PALLD: variants seen among roughly 807,000 people sequenced by gnomAD.
PALLD encodes palladin, cytoskeletal associated protein, also known as palladin.
A neutral mutation model predicts 123.5 loss-of-function variants in PALLD; 61 were observed. That is an observed-to-expected ratio of 0.49 (90% confidence interval 0.40 to 0.61). The LOEUF is 0.61. Ranked by LOEUF, PALLD falls within the 20% of genes least tolerant of loss-of-function variation. PALLD has a pLI of 0.00. For synonymous variants in PALLD, 465 were observed against 496.4 expected, an observed-to-expected ratio of 0.94 and a Z score of 0.84; for missense variants, 1,273 against 1,377.0, an observed-to-expected ratio of 0.92 and a Z score of 1.20.
intron 10 of PALLD, among the ~76,000 whole-genome samples, chr4:168,777,778 T>C (rs1735373695): frequency 6.6e-6 from 1 of 152,200 alleles, no homozygotes; most frequent in Non-Finnish European, 1.5e-5. Flanking sequence ...ATTCAGGCCT[T>C]AGGTTGGTAC....
intron 2 of PALLD, among the ~76,000 whole-genome samples, chr4:168,645,435 A>G (rs1008574696): frequency 2.6e-5 from 4 of 152,286 alleles, no homozygotes; most frequent in South Asian, 4.1e-4. Flanking sequence ...TGCCATCCAC[A>G]GTGTCACTTA....
intron 10 of PALLD, among the ~76,000 whole-genome samples, chr4:168,724,668 C>A (rs769599402): frequency 6.6e-6 from 1 of 150,966 alleles, no homozygotes. Context: ...GGATAAATCA[C>A]GTCAATTTGA....
At chr4:168,539,266 AC>A (rs1765375489) in intron 2 of PALLD, among the ~76,000 whole-genome samples, 1 of 152,028 alleles carries the variant, frequency 6.6e-6, no homozygotes, top group Non-Finnish European at 1.5e-5. Context: ...AAGTTTTCAG[AC>A]CCCACGTCAA....
At chr4:168,903,125 C>T (rs28407784) in intron 14 of PALLD, among the ~76,000 whole-genome samples, 1,718 of 152,244 alleles carry the variant, frequency 0.011, 48 homozygotes, top group African/African-American at 0.039. Flanking sequence ...TTCAATACTA[C>T]TGTGTTTTCT....
At chr4:168,534,719 T>G (rs1246690438) in intron 2 of PALLD, among the ~76,000 whole-genome samples, 1 of 152,210 alleles carries the variant, frequency 6.6e-6, no homozygotes, top group Non-Finnish European at 1.5e-5. Context: ...TACTGACATC[T>G]TTTCAACCAC....
intron 10 of PALLD, among the ~76,000 whole-genome samples, chr4:168,755,073 A>G (rs1731608161): frequency 6.6e-6 from 1 of 152,126 alleles, no homozygotes; most frequent in South Asian, 2.1e-4. Context: ...TCTACTAAAA[A>G]TACAAAAAAA....
intron 3 of PALLD, among the ~76,000 whole-genome samples, chr4:168,670,698 A>T (rs1420738651): frequency 6.9e-6 from 1 of 145,744 alleles, no homozygotes; most frequent in Non-Finnish European, 1.5e-5. Flanking sequence ...GCGCCACTGC[A>T]GTCCGCAGTC....
intron 2 of PALLD, among the ~76,000 whole-genome samples, chr4:168,635,713 T>G (rs1776279622): frequency 6.6e-6 from 1 of 152,184 alleles, no homozygotes; most frequent in African/African-American, 2.4e-5. Context: ...ATGACTGTGA[T>G]GTAATGGAAG....
chr4:168,761,222 A>G (rs1391130273), intron 10 of PALLD, among the ~76,000 whole-genome samples: 4 of 152,110 alleles, frequency 2.6e-5, no homozygotes, highest in African/African-American at 7.2e-5. Flanking sequence ...TCCATGGAGT[A>G]TATTTTTCCC....
intron 10 of PALLD, among the ~76,000 whole-genome samples, chr4:168,742,345 G>T (rs2150352203): frequency 6.6e-6 from 1 of 152,256 alleles, no homozygotes; most frequent in Admixed American, 6.5e-5. Context: ...GGTGTTCTTA[G>T]CTCTCTGACC....
intron 10 of PALLD, among the ~76,000 whole-genome samples, chr4:168,713,603 CT>C (rs1785045693): frequency 6.6e-6 from 1 of 152,168 alleles, no homozygotes; most frequent in African/African-American, 2.4e-5. Context: ...TTTAGCTCTG[CT>C]TTGCAGCCAG....
At chr4:168,801,419 T>C (rs1408134622) in intron 10 of PALLD, among the ~76,000 whole-genome samples, 3 of 152,056 alleles carry the variant, frequency 2.0e-5, no homozygotes, top group Non-Finnish European at 2.9e-5. Context: ...GCTGGGATTA[T>C]AGGCGCATGC....
chr4:168,905,991 C>T (rs1036570067), intron 15 of PALLD, among the ~76,000 whole-genome samples: 5 of 151,836 alleles, frequency 3.3e-5, no homozygotes, highest in Non-Finnish European at 5.9e-5. Context: ...CCACCTGCCT[C>T]GGCCTCTTTT....
chr4:168,919,367 A>G (rs1039635487), intron 17 of PALLD, among the ~76,000 whole-genome samples: 5 of 152,046 alleles, frequency 3.3e-5, no homozygotes, highest in Non-Finnish European at 5.9e-5. Flanking sequence ...CTACTAAAAT[A>G]CAAAAAAATC....
intron 17 of PALLD, among the ~76,000 whole-genome samples, chr4:168,918,608 T>C (rs1760761340): frequency 6.6e-6 from 1 of 152,192 alleles, no homozygotes; most frequent in Non-Finnish European, 1.5e-5. Flanking sequence ...AAGAGATCTG[T>C]TGTACAACAT....
intron 10 of PALLD, among the ~76,000 whole-genome samples, chr4:168,712,799 C>G (rs1001391149): frequency 3.9e-5 from 6 of 152,148 alleles, no homozygotes; most frequent in African/African-American, 9.7e-5. Context: ...TTACCCATAT[C>G]TGATGTTTTT....
chr4:168,785,476 A>G (rs1163988462), intron 10 of PALLD, among the ~76,000 whole-genome samples: 2 of 152,216 alleles, frequency 1.3e-5, no homozygotes, highest in Non-Finnish European at 1.5e-5. Flanking sequence ...AAAGACTTTC[A>G]GAGTTAAACC....
At chr4:168,575,851 T>C (rs1769514929) in intron 2 of PALLD, among the ~76,000 whole-genome samples, 2 of 152,124 alleles carry the variant, frequency 1.3e-5, no homozygotes, top group South Asian at 4.1e-4. Context: ...CTCCTCTGGC[T>C]GCATGTTAGA....
intron 10 of PALLD, among the ~76,000 whole-genome samples, chr4:168,763,580 A>T (rs1443767290): frequency 6.6e-6 from 1 of 152,196 alleles, no homozygotes; most frequent in African/African-American, 2.4e-5. Context: ...CAGAAAAGAC[A>T]CTAGGAGATG....
Sources: gnomAD v4.1 joint callset for allele counts (sites outside exome capture counted in the v4.1 genomes callset) on GRCh38, gnomAD v4.1.1 for gene constraint, MANE v1.5 for transcripts, NCBI Gene and HGNC (gene_info 2026-07-23, HGNC 2026-07-21) for gene names.